VIRMA: variants seen among roughly 807,000 people sequenced by gnomAD.
VIRMA encodes vir like m6A methyltransferase associated.
In VIRMA, 65 loss-of-function variants were observed where a neutral mutation model predicts 182.4. That is an observed-to-expected ratio of 0.36 (90% CI 0.29 to 0.44). The LOEUF is 0.44. Among genes scored for constraint, VIRMA ranks in the 20% least tolerant of loss-of-function variants. The pLI is 1.00. For missense variants in VIRMA, 1,752 were observed against 2,158.1 expected (o/e 0.81, Z 3.73); for synonymous variants, 709 against 743.1 (o/e 0.95, Z 0.75).
chr8:94,509,724 T>C lies in VIRMA; in HGVS notation c.3843A>G (p.Glu1281=), dbSNP rs779408752. The C allele has an allele frequency of 6.2e-7, 1 of 1,613,932 alleles. No individual in the cohort carries two copies. ...GAGACTGCAAAATGGATGTGACATA[T>C]TCAACACACTGTTGGCGAATAACAC... ...GDSVIRQQCV[E]YVTSILQSLC... The change falls in exon 15 of 24, where the codon GAA becomes GAG. Residue 1281 remains glutamate, a synonymous_variant. Transcript: ENST00000297591.
chr8:94,502,822 A>G (rs1814039422), intron 16 of VIRMA, among the ~76,000 whole-genome samples: 1 of 152,166 alleles, frequency 6.6e-6, no homozygotes, highest in African/African-American at 2.4e-5. Flanking sequence ...CGTTCTGCAC[A>G]TGTATCCCAG....
At chr8:94,540,213 G>T (rs1431062574) in intron 2 of VIRMA, among the ~76,000 whole-genome samples, 1 of 151,796 alleles carries the variant, frequency 6.6e-6, no homozygotes, top group Non-Finnish European at 1.5e-5. Context: ...CCCCACATAG[G>T]AGACTAATCA....
chr8:94,491,997 T>A (rs1450985575), intron 21 of VIRMA, 88 bp from the exon 22 acceptor site: 9 of 995,236 alleles, frequency 9.0e-6, no homozygotes, highest in South Asian at 2.1e-5. Flanking sequence ...TATATTTCAG[T>A]TTTTTTGTAC....
rs778170273 is a variant in VIRMA, at chr8:94,492,751, T to G, written c.4709A>C (p.Glu1570Ala). 6 of 1,614,002 alleles carry G rather than the reference T, an allele frequency of 3.7e-6. No homozygotes were observed. The South Asian group carries it at 5.5e-5, about 15-fold the overall frequency. Reference sequence around the variant, plus strand: ...TGATGGTTCTGACAAAAATGAGCGCTCTAATTCTGAGTGCAAATCAAAGTC... The same window carrying G: ...TGATGGTTCTGACAAAAATGAGCGCGCTAATTCTGAGTGCAAATCAAAGTC... The part of the protein sequence containing the change: ...CSDFDLHSEL[E>A]RSFLSEPSSP... Residue 1570 changes from glutamate (E) to alanine (A), a missense_variant, in exon 21 of 24, where the codon GAG becomes GCG. Physicochemically the swap from Glu to Ala is moderately radical, Grantham distance 107. Transcript: ENST00000297591.
intron 1 of VIRMA, among the ~76,000 whole-genome samples, chr8:94,551,913 G>C (rs531567776): frequency 1.3e-4 from 20 of 152,268 alleles, no homozygotes; most frequent in African/African-American, 4.1e-4. Flanking sequence ...AGAGACAGGG[G>C]TTGCACTGTG....
intron 15 of VIRMA, among the ~76,000 whole-genome samples, chr8:94,507,933 A>T (rs371636483): frequency 8.4e-6 from 1 of 118,964 alleles, no homozygotes; most frequent in Non-Finnish European, 1.7e-5. Flanking sequence ...ATGTATGTAC[A>T]TATGTGTATA....
chr8:94,521,560 A>T lies in VIRMA; in HGVS notation c.2022-2084T>A, dbSNP rs79848418. Among the ~76,000 whole-genome samples the T allele has an allele frequency of 6.8e-3, 1,031 of 152,292 alleles. 7 individuals carry two copies. Among genetic ancestry groups the T allele is most frequent in the African/African-American group, 0.023 (958 of 41,562 alleles). On this transcript the variant is annotated intron_variant, in intron 8 of 23. Coordinates refer to ENST00000297591, the MANE Select transcript of VIRMA (RefSeq NM_015496.5). ...TTAATTTTTAATTATTAAGAATATC[A>T]TAATTTTCTGAAAGTTAAAAAGAAT...
chr8:94,505,530 T>TGGCATGATCACTGCAGC (rs148622780), intron 16 of VIRMA, among the ~76,000 whole-genome samples: 1 of 151,924 alleles, frequency 6.6e-6, no homozygotes, highest in African/African-American at 2.4e-5. Context: ...TAGACTGCAG[T>TGGCATGATCACTGCAGC]GGCATGATCA....
chr8:94,520,313 T>TAGTG (rs976907173), intron 8 of VIRMA, among the ~76,000 whole-genome samples: 1 of 150,954 alleles, frequency 6.6e-6, no homozygotes, highest in African/African-American at 2.4e-5. Context: ...TTGAGCAATA[T>TAGTG]AGTGAGACCC....
At chr8:94,515,241 C>T (rs1407420972) in intron 10 of VIRMA, among the ~76,000 whole-genome samples, 2 of 151,746 alleles carry the variant, frequency 1.3e-5, no homozygotes, top group Admixed American at 6.6e-5. Context: ...GGATTACAGG[C>T]GCCTGCCACC....
chr8:94,531,426 A>G (rs1422340516), intron 5 of VIRMA, among the ~76,000 whole-genome samples: 1 of 152,222 alleles, frequency 6.6e-6, no homozygotes, highest in Non-Finnish European at 1.5e-5. Flanking sequence ...GGAGATTTTC[A>G]TCTTCAGAAT....
At chr8:94,529,522 A>T (rs1815086364) in intron 6 of VIRMA, among the ~76,000 whole-genome samples, 180 bp from the exon 7 acceptor site, 1 of 152,208 alleles carries the variant, frequency 6.6e-6, no homozygotes, top group African/African-American at 2.4e-5. Flanking sequence ...TTCTACAGTG[A>T]GCAATAATAA....
intron 9 of VIRMA, among the ~76,000 whole-genome samples, chr8:94,518,453 G>A (rs561240523): frequency 2.0e-5 from 3 of 152,290 alleles, no homozygotes; most frequent in Admixed American, 1.3e-4. Flanking sequence ...CTCATAGTGA[G>A]GGCAGTTATC....
intron 1 of VIRMA, among the ~76,000 whole-genome samples, chr8:94,549,204 T>C: frequency 6.6e-6 from 1 of 152,354 alleles, no homozygotes; most frequent in Non-Finnish European, 1.5e-5. Flanking sequence ...ATTGTTTATG[T>C]GGAGAAGAGG....
chr8:94,542,353 T>C (rs114175132), intron 2 of VIRMA, among the ~76,000 whole-genome samples: 1,532 of 152,246 alleles, frequency 0.01, 25 homozygotes, highest in African/African-American at 0.035. Flanking sequence ...GGCAAAGAAG[T>C]GAAGCCTCCT....
At chr8:94,504,464 T>C (rs1026853023) in intron 16 of VIRMA, among the ~76,000 whole-genome samples, 1 of 152,204 alleles carries the variant, frequency 6.6e-6, no homozygotes, top group Non-Finnish European at 1.5e-5. Flanking sequence ...TTCATCTTTG[T>C]TCAAGGGTTT....
In VIRMA at chr8:94,506,524, T is replaced by C; in HGVS notation, c.4073A>G (p.Asp1358Gly). 1 of 1,610,332 alleles carries C rather than the reference T, an allele frequency of 6.2e-7. No homozygotes were observed. Among genetic ancestry groups the C allele is most frequent in the Non-Finnish European group, 8.5e-7 (1 of 1,177,080 alleles). ...CCTTTTTAAATGAAATAATCCATAA[T>C]CATGCTCTGCAAGAAACATCATTGT... ...VRTMMFLAEH[D>G]YGLFHLKSSL... The change falls in exon 16 of 24, where the codon GAT becomes GGT. Residue 1358 changes from aspartate to glycine, a missense_variant. By Grantham distance (94) the Asp-to-Gly change is moderately conservative. Coordinates refer to ENST00000297591, the MANE Select transcript of VIRMA (RefSeq NM_015496.5).
intron 4 of VIRMA, 68 bp from the exon 5 acceptor site, chr8:94,535,075 A>T: frequency 6.6e-7 from 1 of 1,514,658 alleles, no homozygotes; most frequent in Non-Finnish European, 8.8e-7. Flanking sequence ...GTTAGCTGAT[A>T]CCAAATTAGA....
chr8:94,527,741 G>T (rs773249282), intron 7 of VIRMA, among the ~76,000 whole-genome samples: 9 of 146,338 alleles, frequency 6.2e-5, no homozygotes, highest in African/African-American at 2.2e-4. Flanking sequence ...CCTCTTGAGA[G>T]ATTATTTTTA....
Sources: gnomAD v4.1 joint callset for allele counts (sites outside exome capture counted in the v4.1 genomes callset) on GRCh38, gnomAD v4.1.1 for gene constraint, MANE v1.5 for transcripts, NCBI Gene and HGNC (gene_info 2026-07-23, HGNC 2026-07-21) for gene names.